The following HMCN2 variants were observed in gnomAD, a reference collection of about 807,000 sequenced individuals.
HMCN2 encodes hemicentin-2.
HMCN2 carries 325 observed loss-of-function variants against 377.5 expected under a neutral mutation model. The ratio of observed to expected loss-of-function variants is 0.86; its 90% CI spans 0.79 to 0.94. The LOEUF is 0.94. Among genes scored for constraint, HMCN2 ranks in the 40% least tolerant of loss-of-function variants. The pLI, the probability that HMCN2 is intolerant of heterozygous loss-of-function variation, is 0.00. For synonymous variants in HMCN2, 2,007 were observed against 2,046.8 expected (o/e 0.98, Z 0.53); for missense variants, 4,543 against 4,725.3 (o/e 0.96, Z 1.13).
intron 25 of HMCN2, among the ~76,000 whole-genome samples, chr9:130,344,691 AGT>A (rs1323590014): frequency 7.7e-6 from 1 of 129,688 alleles, no homozygotes; most frequent in African/African-American, 3.0e-5. Context: ...ATGTGTATGT[AGT>A]GTGTGTGTAT....
chr9:130,343,337 T>TG (rs1839164528), intron 25 of HMCN2, among the ~76,000 whole-genome samples: 1 of 152,094 alleles, frequency 6.6e-6, no homozygotes. Context: ...GACAGGAGCC[T>TG]GGGGGGCGTC....
In HMCN2 at chr9:130,432,431, A is replaced by G; in HGVS notation, c.14770A>G (p.Ile4924Val). ...LLPSGKNCQDINECEEESIEC... is the reference protein window; with the variant it reads ...LLPSGKNCQDVNECEEESIEC... ...GCTTCACCAACTTCCCCATCCAGAC[A>G]TCAACGAGTGCGAGGAGGAGAGCAT... is the stretch of plus-strand genomic sequence containing the variant. Residue 4924 changes from isoleucine (I) to valine (V), a missense_variant and splice_region_variant, in exon 97 of 98, where the codon ATC becomes GTC. Around this residue, in one of 5 missense-constraint regions of HMCN2, gnomAD observed 1,155 missense variants for 1,157.7 expected, o/e 1.00. Coordinates refer to ENST00000683500, the MANE Select transcript of HMCN2 (RefSeq NM_001291815.2). 1 of 1,550,956 alleles carries G rather than the reference A, an allele frequency of 6.4e-7. No individual in the cohort carries two copies. Among genetic ancestry groups the G allele is most frequent in the Non-Finnish European group, 8.7e-7 (1 of 1,147,020 alleles).
At chr9:130,417,473 G>C (rs2131779663) in intron 85 of HMCN2, among the ~76,000 whole-genome samples, 1 of 138,576 alleles carries the variant, frequency 7.2e-6, no homozygotes, top group East Asian at 2.3e-4. Flanking sequence ...AGTGAGCTGA[G>C]ATCGTACCAC....
rs933177736 is a variant in HMCN2 at position 130,414,592 on chromosome 9, T to C, written c.12961+3940T>C. On this transcript the variant is annotated intron_variant, in intron 85 of 97. Coordinates refer to ENST00000683500, the MANE Select transcript of HMCN2 (RefSeq NM_001291815.2). The surrounding 1 kb of genome is among the most constrained non-coding windows in gnomAD (Gnocchi z 4.4). Reference sequence around the variant, plus strand: ...CAGATGCCTACTGAGATAGTACAGATATCAGGTAATCTGATAAGGACTTTT... The same window carrying C: ...CAGATGCCTACTGAGATAGTACAGACATCAGGTAATCTGATAAGGACTTTT... Among the ~76,000 whole-genome samples, 1 of 150,632 alleles carries C rather than the reference T, an allele frequency of 6.6e-6. No individual in the cohort carries two copies. Among genetic ancestry groups the C allele is most frequent in the Non-Finnish European group, 1.5e-5 (1 of 67,816 alleles).
At chr9:130,318,344 T>A (rs1302663679) in intron 15 of HMCN2, among the ~76,000 whole-genome samples, 4 of 150,152 alleles carry the variant, frequency 2.7e-5, no homozygotes, top group Admixed American at 2.0e-4. Flanking sequence ...CTCAAAGGGT[T>A]AAAATAAAAA....
At chr9:130,342,615 C>T (rs1026860177) in intron 25 of HMCN2, among the ~76,000 whole-genome samples, 179 bp downstream of exon 25, 1 of 152,156 alleles carries the variant, frequency 6.6e-6, no homozygotes, top group Non-Finnish European at 1.5e-5. Context: ...GTTATTGCCC[C>T]TTTTGATTAG....
rs1352095078 is a variant in HMCN2, at chr9:130,402,824, G to A, written c.11806G>A (p.Ala3936Thr). 2.3e-6 allele frequency: 3 copies of A among 1,289,676 alleles called. No homozygotes were observed. Among genetic ancestry groups the A allele is most frequent in the Admixed American group, 2.3e-5 (1 of 43,562 alleles). 79.9% of individuals were successfully genotyped at this position (1,289,676 alleles called of 1,614,324 possible). A position where few individuals can be genotyped will look rare whatever the true frequency, so the allele number is the denominator to read the frequency against. ...LEIGQALPIH[A>T]GRYTCSARNS... is the part of the protein sequence containing the mutation. ...GATCGGGCAGGCCCTCCCCATCCACGCAGGCCGCTACACCTGCTCAGCCCG... is the reference window on the plus strand; with the variant it reads ...GATCGGGCAGGCCCTCCCCATCCACACAGGCCGCTACACCTGCTCAGCCCG... Residue 3936 changes from alanine to threonine, a missense_variant, in exon 78 of 98, where the codon GCA becomes ACA. Coordinates refer to ENST00000683500, the MANE Select transcript of HMCN2 (RefSeq NM_001291815.2).
At chr9:130,333,257 A>G (rs1171115105) in intron 22 of HMCN2, among the ~76,000 whole-genome samples, 2 of 152,212 alleles carry the variant, frequency 1.3e-5, no homozygotes, top group Admixed American at 6.5e-5. Context: ...GCAGAGTGGC[A>G]TGGGAAGCAT....
intron 1 of HMCN2, among the ~76,000 whole-genome samples, chr9:130,278,037 C>CACT (rs59593323): frequency 0.015 from 119 of 7,756 alleles, 40 homozygotes; most frequent in African/African-American, 0.14. Context: ...CGATCATCAC[C>CACT]ACCACCATCA....
Position 130,372,420 on chromosome 9 carries a change from C to T in HMCN2, c.7351+13C>T. 3 of 968,862 alleles carry T rather than the reference C, an allele frequency of 3.1e-6. No homozygotes were observed. Among genetic ancestry groups the T allele is most frequent in the Non-Finnish European group, 3.7e-6 (3 of 814,506 alleles). 60.0% of individuals were successfully genotyped at this position (968,862 alleles called of 1,614,324 possible). A position where few individuals can be genotyped will look rare whatever the true frequency, so the allele number is the denominator to read the frequency against. On this transcript the variant is annotated intron_variant, in intron 47 of 97. Coordinates refer to ENST00000683500, the MANE Select transcript of HMCN2 (RefSeq NM_001291815.2). ...GTGGAGGTGCTGGGTGCGTTACAACCCCATTCTCATGGGTGCCCTATGAAC... is the reference window on the plus strand; with the variant it reads ...GTGGAGGTGCTGGGTGCGTTACAACTCCATTCTCATGGGTGCCCTATGAAC...
intron 48 of HMCN2, among the ~76,000 whole-genome samples, chr9:130,373,523 C>T (rs1028205717): frequency 6.8e-6 from 1 of 146,148 alleles, no homozygotes; most frequent in Non-Finnish European, 1.5e-5. Context: ...ATGGTTTCCC[C>T]AGTGCCTGGC....
intron 54 of HMCN2, among the ~76,000 whole-genome samples, chr9:130,379,992 C>T (rs924154387): frequency 2.6e-5 from 4 of 152,206 alleles, no homozygotes; most frequent in African/African-American, 9.6e-5. Flanking sequence ...TCTCCTGCCT[C>T]AGCCTCCCAA....
At chr9:130,425,645 T>TCCCCCCCCCCCCCCCCCCCC in intron 89 of HMCN2, 42 bp from the exon 90 acceptor site, 1 of 683,076 alleles carries the variant, frequency 1.5e-6, no homozygotes, top group Non-Finnish European at 2.4e-6. Context: ...TTTCTCCCTC[T>TCCCCCCCCCCCCCCCCCCCC]CCCCCACCCC....
chr9:130,266,501 C>G (rs560174341), intron 1 of HMCN2, among the ~76,000 whole-genome samples: 1 of 152,366 alleles, frequency 6.6e-6, no homozygotes, highest in South Asian at 2.1e-4. Flanking sequence ...GCATTCCTCT[C>G]GAGGACTTGG....
At chr9:130,342,963 C>T (rs1298093340) in intron 25 of HMCN2, among the ~76,000 whole-genome samples, 3 of 152,240 alleles carry the variant, frequency 2.0e-5, no homozygotes, top group African/African-American at 7.2e-5. Flanking sequence ...CCTGGCCCTT[C>T]CTGGTTTTGT....
At chr9:130,417,046 G>A (rs1843731713) in intron 85 of HMCN2, among the ~76,000 whole-genome samples, 1 of 151,312 alleles carries the variant, frequency 6.6e-6, no homozygotes, top group Admixed American at 6.6e-5. Context: ...CAAGTAGCTG[G>A]GATTACAGGC....
chr9:130,271,608 T>C (rs1379340568), intron 1 of HMCN2, among the ~76,000 whole-genome samples: 2 of 148,938 alleles, frequency 1.3e-5, no homozygotes, highest in Non-Finnish European at 3.0e-5. Context: ...TTTGTTTTCG[T>C]TTTTCCCACA....
intron 48 of HMCN2, among the ~76,000 whole-genome samples, chr9:130,373,583 G>A (rs1841166517): frequency 8.3e-6 from 1 of 121,196 alleles, no homozygotes; most frequent in Non-Finnish European, 1.8e-5. Context: ...ATGGATGGAT[G>A]GATGGATGGG....
At position 130,393,012 on chromosome 9, in the gene HMCN2, A is replaced by G. The variant is rs544344327; in HGVS notation, c.10137-200A>G. Among the ~76,000 whole-genome samples, 1 of 152,098 alleles carries G rather than the reference A, an allele frequency of 6.6e-6. No individual in the cohort carries two copies. The highest frequency in any genetic ancestry group is 2.1e-4 in the South Asian group (1 of 4,812). Reference sequence around the variant, plus strand: ...CACCATCTCACCATCTCAAAAAAAAAAAAGAAAAAGAGAGAGTTTAAGCAA... The same window carrying G: ...CACCATCTCACCATCTCAAAAAAAAGAAAGAAAAAGAGAGAGTTTAAGCAA... On this transcript the variant is annotated intron_variant, in intron 66 of 97. Coordinates refer to ENST00000683500, the MANE Select transcript of HMCN2 (RefSeq NM_001291815.2). This position sits in a 1 kb window ranked among gnomAD's most constrained non-coding sequence, Gnocchi z 5.2.
Sources: gnomAD v4.1 joint callset for allele counts (sites outside exome capture counted in the v4.1 genomes callset) on GRCh38, gnomAD v4.1.1 for gene constraint, gnomAD v4.1.1 regional missense constraint, Gnocchi (gnomAD v3.1) non-coding constraint, MANE v1.5 for transcripts, NCBI Gene and HGNC (gene_info 2026-07-23, HGNC 2026-07-21) for gene names.